MAP2K5: variants seen among roughly 807,000 people sequenced by gnomAD.
MAP2K5 encodes the protein dual specificity mitogen-activated protein kinase kinase 5.
MAP2K5 carries 49 observed loss-of-function variants against 83.1 expected under a neutral mutation model. The observed-to-expected ratio is 0.59, with a 90% CI of 0.47 to 0.75. MAP2K5 has a LOEUF of 0.75. Among genes scored for constraint, MAP2K5 ranks in the 30% least tolerant of loss-of-function variants. The pLI is 0.00. For missense variants in MAP2K5, 457 were observed against 557.5 expected (o/e 0.82, Z 1.82); for synonymous variants, 202 against 191.8 (o/e 1.05, Z -0.44).
chr15:67,800,730 A>T (rs962455555), intron 21 of MAP2K5, among the ~76,000 whole-genome samples: 2 of 152,174 alleles, frequency 1.3e-5, no homozygotes, highest in African/African-American at 4.8e-5. Context: ...GATGTACGTG[A>T]TGGGGCTCAG....
At chr15:67,765,409 T>C (rs2090023456) in intron 19 of MAP2K5, among the ~76,000 whole-genome samples, 1 of 152,004 alleles carries the variant, frequency 6.6e-6, no homozygotes, top group Non-Finnish European at 1.5e-5. Context: ...AGATAGAAAA[T>C]TGTCATAGAT....
chr15:67,618,314 T>C (rs1333181100), intron 8 of MAP2K5, among the ~76,000 whole-genome samples: 1 of 152,220 alleles, frequency 6.6e-6, no homozygotes, highest in Non-Finnish European at 1.5e-5. Context: ...GTTAGCTTAC[T>C]GTTTGTACCT....
intron 13 of MAP2K5, among the ~76,000 whole-genome samples, chr15:67,670,209 C>G (rs371873195): frequency 3.3e-5 from 5 of 152,044 alleles, no homozygotes; most frequent in South Asian, 2.1e-4. Flanking sequence ...CTGTGTGATT[C>G]CACTTATATG....
At chr15:67,732,233 CAT>C (rs2089238828) in intron 17 of MAP2K5, among the ~76,000 whole-genome samples, 1 of 152,128 alleles carries the variant, frequency 6.6e-6, no homozygotes. Context: ...ACTTAAAAAA[CAT>C]AATGGTGGGC....
At chr15:67,586,187 A>G (rs1267146727) in intron 5 of MAP2K5, among the ~76,000 whole-genome samples, 1 of 152,216 alleles carries the variant, frequency 6.6e-6, no homozygotes, top group African/African-American at 2.4e-5. Flanking sequence ...GGATAATCCT[A>G]GGTGCTGGTA....
intron 1 of MAP2K5, among the ~76,000 whole-genome samples, chr15:67,547,134 A>AT (rs1181470319): frequency 2.0e-5 from 3 of 148,310 alleles, no homozygotes; most frequent in Non-Finnish European, 3.0e-5. Context: ...TGAGTCTGTG[A>AT]TTTTTTCCTT....
chr15:67,754,118 AGTGATT>A (rs2089780749), intron 19 of MAP2K5, among the ~76,000 whole-genome samples: 1 of 152,248 alleles, frequency 6.6e-6, no homozygotes, highest in African/African-American at 2.4e-5. Context: ...TCAATGACTT[AGTGATT>A]GCCAGGGACT....
rs2086833910 is a variant in MAP2K5, at chr15:67,646,450, A to G, written c.717A>G (p.Ile239Met). The change falls in exon 11 of 22, where the codon ATA (isoleucine) becomes ATG (methionine). Residue 239 changes from isoleucine to methionine, a missense_variant. Transcript: ENST00000178640. ...GAFFVENRIS[I>M]CTEFMDGGSL... ...TTTTTGTAGAAAACAGGATTTCAAT[A>G]TGTACAGAATTCATGGATGGTGAGT... 1.9e-6 allele frequency: 3 copies of G among 1,590,432 alleles called. No homozygotes were observed. Among genetic ancestry groups the G allele is most frequent in the African/African-American group, 1.3e-5 (1 of 74,426 alleles).
chr15:67,600,715 A>G lies in MAP2K5; in HGVS notation c.511A>G (p.Thr171Ala). The G allele has an allele frequency of 1.2e-6, 2 of 1,608,326 alleles. No homozygotes were observed. The highest frequency in any genetic ancestry group is 1.7e-6 in the Non-Finnish European group (2 of 1,178,460). The change falls in exon 8 of 22, where the codon ACT (threonine) becomes GCT (alanine). Residue 171 changes from threonine to alanine, a missense_variant. By Grantham distance (58) the Thr-to-Ala change is moderately conservative (BLOSUM62 0). Transcript: ENST00000178640. Reference protein sequence around the residue: ...MNEQDIRYRDTLGHGNGGTVY... With the variant: ...MNEQDIRYRDALGHGNGGTVY... ...TGAACAAGACATACGATATCGGGAC[A>G]CTCTTGGTCATGGCAACGGAGGCAC...
chr15:67,589,004 A>T (rs988122173), intron 6 of MAP2K5, among the ~76,000 whole-genome samples: 9 of 151,182 alleles, frequency 6.0e-5, no homozygotes, highest in East Asian at 1.9e-4. Context: ...TTATTTTTTT[A>T]AATTTTTTTA....
chr15:67,802,334 T>C lies in MAP2K5; in HGVS notation c.1243-4312T>C, dbSNP rs1469890832. Among the ~76,000 whole-genome samples the C allele has an allele frequency of 1.3e-5, 2 of 152,226 alleles. No individual in the cohort carries two copies. Among genetic ancestry groups the C allele is most frequent in the African/African-American group, 4.8e-5 (2 of 41,460 alleles). On this transcript the variant is annotated intron_variant, in intron 21 of 21. Coordinates refer to ENST00000178640, the MANE Select transcript of MAP2K5 (RefSeq NM_145160.3). The surrounding 1 kb of genome is among the most constrained non-coding windows in gnomAD (Gnocchi z 5.0). ...TTCATGACTATGATATTTTCACCAATGTCCCTCATTGTGCTTCTCAGCCCT... is the reference window on the plus strand; with the variant it reads ...TTCATGACTATGATATTTTCACCAACGTCCCTCATTGTGCTTCTCAGCCCT...
At chr15:67,602,487 CAA>C (rs1214944133) in intron 8 of MAP2K5, among the ~76,000 whole-genome samples, 2 of 152,090 alleles carry the variant, frequency 1.3e-5, no homozygotes, top group African/African-American at 4.8e-5. Context: ...GTTATTTCAC[CAA>C]ACCTTTAGTT....
At chr15:67,641,380 A>C (rs2086707486) in intron 9 of MAP2K5, 1 of 481,374 alleles carries the variant, frequency 2.1e-6, no homozygotes, top group Non-Finnish European at 2.8e-6. Context: ...CCATAGATTA[A>C]ATAAGTGAAT....
intron 17 of MAP2K5, among the ~76,000 whole-genome samples, chr15:67,730,673 A>G (rs2089199503): frequency 6.6e-6 from 1 of 152,234 alleles, no homozygotes; most frequent in Non-Finnish European, 1.5e-5. Context: ...CCTAGAACAC[A>G]TGAGAGCCTT....
chr15:67,745,210 C>T (rs931631208), intron 17 of MAP2K5, among the ~76,000 whole-genome samples: 2 of 152,180 alleles, frequency 1.3e-5, no homozygotes, highest in African/African-American at 4.8e-5. Flanking sequence ...GGAATGAGGG[C>T]TTGGACAAGT....
At position 67,783,210 on chromosome 15, in the gene MAP2K5, A is replaced by G. The variant is rs1029099674; in HGVS notation, c.1242+10458A>G. 1.3e-5 allele frequency among the ~76,000 whole-genome samples: 2 copies of G among 151,576 alleles called. No homozygotes were observed. Among genetic ancestry groups the G allele is most frequent in the Non-Finnish European group, 2.9e-5 (2 of 67,930 alleles). The stretch of plus-strand genomic sequence containing the variant: ...GGCAGCATGTCAGCCCCAAGTCCTG[A>G]CCCCCCAGCCAGCTCACAGTCCAGT... On this transcript the variant is annotated intron_variant, in intron 21 of 21. Coordinates refer to ENST00000178640, the MANE Select transcript of MAP2K5 (RefSeq NM_145160.3). This position sits in a 1 kb window ranked among gnomAD's most constrained non-coding sequence, Gnocchi z 5.1.
intron 17 of MAP2K5, among the ~76,000 whole-genome samples, chr15:67,742,026 C>A (rs967527652): frequency 2.0e-5 from 3 of 152,000 alleles, no homozygotes; most frequent in African/African-American, 7.3e-5. Flanking sequence ...TCCCGAGTAG[C>A]TGGGACTACA....
At chr15:67,688,702 C>A (rs972435007) in intron 13 of MAP2K5, among the ~76,000 whole-genome samples, 2 of 152,196 alleles carry the variant, frequency 1.3e-5, no homozygotes, top group Admixed American at 1.3e-4. Flanking sequence ...ATTATCTCAT[C>A]TAATCCTCAC....
Position 67,781,251 on chromosome 15 carries a change from T to A in MAP2K5, c.1242+8499T>A, listed in dbSNP as rs1478549198. The stretch of plus-strand genomic sequence containing the variant: ...CACCGATAAATAGATGCAGTTCTTA[T>A]CAATTATTAACCAGTCTAACCAGGA... On this transcript the variant is annotated intron_variant, in intron 21 of 21. Transcript: ENST00000178640. This position sits in a 1 kb window ranked among gnomAD's most constrained non-coding sequence, Gnocchi z 4.0. Among the ~76,000 whole-genome samples the A allele has an allele frequency of 1.3e-5, 2 of 152,252 alleles. No homozygotes were observed. Among genetic ancestry groups the A allele is most frequent in the South Asian group, 4.1e-4 (2 of 4,834 alleles).
Sources: allele counts gnomAD v4.1 joint callset (sites outside exome capture counted in the v4.1 genomes callset), GRCh38; gene constraint gnomAD v4.1.1; non-coding constraint Gnocchi (gnomAD v3.1); transcripts MANE v1.5; gene names NCBI Gene and HGNC (gene_info 2026-07-23, HGNC 2026-07-21).